The following SNX8 variants were observed in gnomAD, a reference collection of about 807,000 sequenced individuals.
SNX8 encodes sorting nexin-8.
In SNX8, 25 loss-of-function variants were observed where a neutral mutation model predicts 51.6. The ratio of observed to expected loss-of-function variants is 0.48; its 90% CI spans 0.35 to 0.68. SNX8 has a LOEUF of 0.68. Among genes scored for constraint, SNX8 ranks in the 30% least tolerant of loss-of-function variants. The probability of loss-of-function intolerance (pLI) is 0.00; values close to 1 mark genes in which losing one functional copy is unlikely to be tolerated. For synonymous variants in SNX8, 324 were observed against 277.0 expected, an observed-to-expected ratio of 1.17 and a Z score of -1.68; for missense variants, 695 against 624.0, an observed-to-expected ratio of 1.11 and a Z score of -1.21.
chr7:2,291,547 G>A (rs1449382374), intron 1 of SNX8, among the ~76,000 whole-genome samples: 1 of 151,260 alleles, frequency 6.6e-6, no homozygotes, highest in Non-Finnish European at 1.5e-5. Flanking sequence ...GCAGGGAGCC[G>A]AGATCATGGC....
intron 1 of SNX8, among the ~76,000 whole-genome samples, chr7:2,308,149 T>A (rs1796587584): frequency 6.6e-6 from 1 of 152,018 alleles, no homozygotes; most frequent in African/African-American, 2.4e-5. Context: ...TCTTATCACA[T>A]AAGAAATATA....
intron 1 of SNX8, among the ~76,000 whole-genome samples, chr7:2,342,249 C>T (rs1778944860): frequency 6.6e-6 from 1 of 151,550 alleles, no homozygotes; most frequent in African/African-American, 2.4e-5. Context: ...AAAGCAATTC[C>T]AGGTAGAAGG....
intron 1 of SNX8, among the ~76,000 whole-genome samples, chr7:2,297,550 C>CAAAAA (rs145543350): frequency 0.21 from 8,405 of 40,168 alleles, 1,733 homozygotes; most frequent in East Asian, 0.42. Context: ...AACCCCGCCG[C>CAAAAA]AAAAAAAAAA....
At chr7:2,341,174 A>G (rs2115245385) in intron 1 of SNX8, among the ~76,000 whole-genome samples, 1 of 151,850 alleles carries the variant, frequency 6.6e-6, no homozygotes, top group East Asian at 1.9e-4. Context: ...CTTAAAAAAA[A>G]AAAAAGAAAA....
intron 7 of SNX8, among the ~76,000 whole-genome samples, chr7:2,258,167 T>C (rs534399526): frequency 2.0e-4 from 30 of 152,198 alleles, no homozygotes; most frequent in South Asian, 8.3e-4. Context: ...CCCTCCACCA[T>C]GCCCGGCTAA....
intron 5 of SNX8, among the ~76,000 whole-genome samples, chr7:2,267,641 T>G (rs1229690554): frequency 1.3e-5 from 2 of 148,738 alleles, no homozygotes; most frequent in Admixed American, 6.8e-5. Flanking sequence ...TGGAGTGCAG[T>G]GACGTGATCT....
At chr7:2,268,314 C>A (rs1198239418) in intron 5 of SNX8, among the ~76,000 whole-genome samples, 1 of 144,194 alleles carries the variant, frequency 6.9e-6, no homozygotes, top group Non-Finnish European at 1.5e-5. Flanking sequence ...GCAACCACCC[C>A]GTCTGAGAAG....
chr7:2,266,628 A>G (rs932139211), intron 5 of SNX8, among the ~76,000 whole-genome samples: 16 of 152,148 alleles, frequency 1.1e-4, no homozygotes, highest in Admixed American at 7.9e-4. Context: ...TACAGGCGTA[A>G]GCCACCACGC....
At chr7:2,280,962 T>C (rs1329934270) in intron 1 of SNX8, among the ~76,000 whole-genome samples, 4 of 152,022 alleles carry the variant, frequency 2.6e-5, no homozygotes, top group Non-Finnish European at 4.4e-5. Flanking sequence ...CCAGCTAATT[T>C]TTGTATTTTT....
intron 1 of SNX8, among the ~76,000 whole-genome samples, chr7:2,298,858 A>G (rs1443875146): frequency 6.6e-6 from 1 of 150,718 alleles, no homozygotes; most frequent in African/African-American, 2.5e-5. Flanking sequence ...CGCCTAGCTA[A>G]TTTTTTGGAT....
intron 5 of SNX8, among the ~76,000 whole-genome samples, chr7:2,265,194 T>G (rs569174096): frequency 2.0e-3 from 307 of 151,872 alleles, no homozygotes; most frequent in African/African-American, 7.0e-3. Flanking sequence ...TACAAAAAAT[T>G]AGCCGAGCCT....
At position 2,290,629 on chromosome 7, in the gene SNX8, G is replaced by T. The variant is rs1584708014; in HGVS notation, c.95-12324C>A. On this transcript the variant is annotated intron_variant, in intron 1 of 10. Coordinates refer to ENST00000222990, the MANE Select transcript of SNX8 (RefSeq NM_013321.4). ...CAAGAAAGCCATATAACTTAATTTG[G>T]GGCCAGGAGGGTGGCCGAGGCAGGG... 3.9e-5 allele frequency among the ~76,000 whole-genome samples: 6 copies of T among 152,196 alleles called. 1 individual carries two copies. The East Asian group carries it at 1.2e-3, about 29-fold the overall frequency.
intron 1 of SNX8, among the ~76,000 whole-genome samples, chr7:2,338,608 T>C (rs1304252184): frequency 6.6e-6 from 1 of 152,138 alleles, no homozygotes; most frequent in Non-Finnish European, 1.5e-5. Flanking sequence ...CACTCCAGCC[T>C]GGGCGACAGA....
chr7:2,344,479 G>A (rs528730314), intron 1 of SNX8, among the ~76,000 whole-genome samples: 1 of 150,984 alleles, frequency 6.6e-6, no homozygotes, highest in Admixed American at 6.6e-5. Context: ...GGGCGTGGTG[G>A]TGGGTGCCTG....
At position 2,252,235 on chromosome 7, in the gene SNX8, G is replaced by A. The variant is rs1243868417; in HGVS notation, c.*2821C>T. The A allele has an allele frequency of 6.6e-6, 1 of 152,212 alleles. No homozygotes were observed. 9.4% of individuals were successfully genotyped at this position (152,212 alleles called of 1,614,324 possible). A position where few individuals can be genotyped will look rare whatever the true frequency, so the allele number is the denominator to read the frequency against. On this transcript the variant is annotated 3_prime_UTR_variant, in exon 11 of 11. Coordinates refer to ENST00000222990, the MANE Select transcript of SNX8 (RefSeq NM_013321.4). ...CACACGCAGCTGTCCCTGCCAGCTAGGCAAGGCCGTAATGACCGGCACAAG... is the reference window on the plus strand; with the variant it reads ...CACACGCAGCTGTCCCTGCCAGCTAAGCAAGGCCGTAATGACCGGCACAAG...
intron 1 of SNX8, among the ~76,000 whole-genome samples, chr7:2,319,754 G>A (rs1296610901): frequency 6.6e-6 from 1 of 151,502 alleles, no homozygotes; most frequent in Non-Finnish European, 1.5e-5. Context: ...GCCGGAGCTT[G>A]CAGTGAGCTG....
intron 9 of SNX8, among the ~76,000 whole-genome samples, 161 bp from the exon 10 acceptor site, chr7:2,257,184 A>G (rs1795207482): frequency 6.6e-6 from 1 of 152,058 alleles, no homozygotes; most frequent in African/African-American, 2.4e-5. Context: ...GGGAGGGAGC[A>G]CCGTGCAGGG....
At chr7:2,263,589 C>T (rs1417404487) in intron 6 of SNX8, among the ~76,000 whole-genome samples, 1 of 152,216 alleles carries the variant, frequency 6.6e-6, no homozygotes, top group Non-Finnish European at 1.5e-5. Flanking sequence ...CCAACCAGCC[C>T]CCAGGTGACA....
At chr7:2,268,989 A>AGGAG (rs1795570199) in intron 5 of SNX8, among the ~76,000 whole-genome samples, 1 of 137,654 alleles carries the variant, frequency 7.3e-6, no homozygotes, top group Non-Finnish European at 1.6e-5. Context: ...CTGGGAAGTG[A>AGGAG]GGAGCCCCTC....
Sources: allele counts gnomAD v4.1 joint callset (sites outside exome capture counted in the v4.1 genomes callset), GRCh38; gene constraint gnomAD v4.1.1; transcripts MANE v1.5; gene names NCBI Gene and HGNC (gene_info 2026-07-23, HGNC 2026-07-21).